Variants in TENM4 observed in about 807,000 individuals in gnomAD.
TENM4 encodes the protein teneurin transmembrane protein 4.
TENM4 carries 82 observed loss-of-function variants against 243.3 expected under a neutral mutation model. The ratio of observed to expected loss-of-function variants is 0.34; its 90% CI spans 0.28 to 0.40. TENM4 has a LOEUF of 0.40. TENM4 is among the 10% of genes least tolerant of loss of function. The pLI is 1.00. For synonymous variants in TENM4, 1,412 were observed against 1,456.3 expected (o/e 0.97, Z 0.69); for missense variants, 3,138 against 3,673.3 (o/e 0.85, Z 3.77).
At chr11:79,138,762 A>G (rs1311711167) in intron 4 of TENM4, among the ~76,000 whole-genome samples, 2 of 113,324 alleles carry the variant, frequency 1.8e-5, no homozygotes, top group African/African-American at 7.2e-5. Flanking sequence ...ATATTTATAT[A>G]AATACATAAA....
intron 6 of TENM4, among the ~76,000 whole-genome samples, chr11:78,972,099 C>T (rs1857556811): frequency 6.6e-6 from 1 of 152,104 alleles, no homozygotes; most frequent in Admixed American, 6.5e-5. Flanking sequence ...TTTCAAGTAA[C>T]ACATTGTGAA....
intron 4 of TENM4, 126 bp from the exon 5 acceptor site, chr11:79,070,135 G>T: frequency 1.0e-5 from 12 of 1,152,628 alleles, no homozygotes; most frequent in Non-Finnish European, 1.3e-5. Context: ...AGAGGGTACC[G>T]CTCCACCACT....
chr11:79,256,275 G>A (rs183256733), intron 2 of TENM4, among the ~76,000 whole-genome samples: 4 of 152,260 alleles, frequency 2.6e-5, no homozygotes, highest in Non-Finnish European at 4.4e-5. Flanking sequence ...GGGGTGCTGC[G>A]CTATCTCACC....
At chr11:79,268,235 A>C (rs1178576945) in intron 2 of TENM4, among the ~76,000 whole-genome samples, 1 of 152,208 alleles carries the variant, frequency 6.6e-6, no homozygotes, top group Non-Finnish European at 1.5e-5. Flanking sequence ...TTTGTGGGCT[A>C]TATGACCTCT....
At chr11:78,770,906 GC>G (rs1213707162) in intron 18 of TENM4, 85 bp downstream of exon 18, 2 of 1,499,966 alleles carry the variant, frequency 1.3e-6, no homozygotes, top group Non-Finnish European at 1.8e-6. Flanking sequence ...TGTGTTGGTG[GC>G]CTGTTAGCTC....
chr11:78,736,844 A>G (rs762403957), intron 20 of TENM4, among the ~76,000 whole-genome samples: 4 of 152,190 alleles, frequency 2.6e-5, no homozygotes, highest in Non-Finnish European at 5.9e-5. Flanking sequence ...TGTTGCAGCA[A>G]TTCTGGCTAC....
intron 9 of TENM4, among the ~76,000 whole-genome samples, chr11:78,887,647 T>A (rs1855575870): frequency 6.6e-6 from 1 of 152,198 alleles, no homozygotes; most frequent in Non-Finnish European, 1.5e-5. Context: ...TGAATCTTAT[T>A]CTAAGTGGTC....
At chr11:79,274,711 A>G (rs935167544) in intron 2 of TENM4, among the ~76,000 whole-genome samples, 51 of 152,162 alleles carry the variant, frequency 3.4e-4, no homozygotes, top group South Asian at 2.1e-4. Flanking sequence ...ATTGGGGGGG[A>G]AAAAGGCTTA....
chr11:78,983,666 G>A (rs904825567), intron 6 of TENM4, among the ~76,000 whole-genome samples: 29 of 152,322 alleles, frequency 1.9e-4, no homozygotes, highest in African/African-American at 5.8e-4. Flanking sequence ...GTGGGGACAC[G>A]CTGCCCCCAG....
chr11:78,781,969 A>T (rs1057042288), intron 16 of TENM4, among the ~76,000 whole-genome samples: 2 of 152,142 alleles, frequency 1.3e-5, no homozygotes, highest in East Asian at 1.9e-4. Flanking sequence ...TGATAACTTG[A>T]GGTAGATCCC....
chr11:78,987,987 G>T (rs1857957039), intron 6 of TENM4, among the ~76,000 whole-genome samples: 1 of 152,194 alleles, frequency 6.6e-6, no homozygotes, highest in Admixed American at 6.5e-5. Flanking sequence ...GGTGTAGCCA[G>T]GTTGAAGATG....
At chr11:78,773,013 C>G (rs188245252) in intron 17 of TENM4, among the ~76,000 whole-genome samples, 32 of 152,368 alleles carry the variant, frequency 2.1e-4, no homozygotes, top group Non-Finnish European at 3.7e-4. Context: ...GGCAATCTGA[C>G]TTGGTTGCCA....
At chr11:78,743,613 C>G (rs1480701780) in intron 19 of TENM4, among the ~76,000 whole-genome samples, 1 of 152,206 alleles carries the variant, frequency 6.6e-6, no homozygotes, top group Admixed American at 6.5e-5. Flanking sequence ...AGCCCGCACT[C>G]TCCCTCAAGG....
intron 4 of TENM4, among the ~76,000 whole-genome samples, chr11:79,136,296 G>A (rs1217160532): frequency 2.6e-5 from 4 of 152,292 alleles, no homozygotes. Context: ...ACCAATGGGT[G>A]ACCTCAGCAG....
chr11:78,838,268 C>T (rs747194704), intron 12 of TENM4, among the ~76,000 whole-genome samples: 61 of 152,010 alleles, frequency 4.0e-4, no homozygotes, highest in Non-Finnish European at 6.9e-4. Context: ...ATCATAATGC[C>T]TTTTTTCCTC....
intron 4 of TENM4, among the ~76,000 whole-genome samples, chr11:79,103,090 C>T (rs1861275429): frequency 6.6e-6 from 1 of 152,170 alleles, no homozygotes; most frequent in Non-Finnish European, 1.5e-5. Context: ...GAACAGCTCA[C>T]TGCTCCCTGA....
intron 2 of TENM4, among the ~76,000 whole-genome samples, chr11:79,248,316 C>A (rs1430429089): frequency 1.3e-5 from 2 of 152,200 alleles, no homozygotes; most frequent in Non-Finnish European, 2.9e-5. Context: ...CAAACCTCTC[C>A]TTCCTGAAGG....
intron 3 of TENM4, among the ~76,000 whole-genome samples, chr11:79,208,811 A>T (rs17137853): frequency 0.072 from 10,919 of 152,228 alleles, 660 homozygotes; most frequent in African/African-American, 0.16. Context: ...TGGCTTTTCC[A>T]CTATGGCCAG....
At chr11:78,997,727 C>G (rs1858210937) in intron 6 of TENM4, among the ~76,000 whole-genome samples, 1 of 152,194 alleles carries the variant, frequency 6.6e-6, no homozygotes, top group Non-Finnish European at 1.5e-5. Flanking sequence ...CAAGAGAAAG[C>G]TAAGTTCTGG....
Sources: allele counts gnomAD v4.1 joint callset (sites outside exome capture counted in the v4.1 genomes callset), GRCh38; gene constraint gnomAD v4.1.1; transcripts MANE v1.5; gene names NCBI Gene and HGNC (gene_info 2026-07-23, HGNC 2026-07-21).